CFAP299: variants seen among roughly 807,000 people sequenced by gnomAD.
CFAP299 encodes the protein cilia and flagella associated protein 299.
In CFAP299, 21 loss-of-function variants were observed where a neutral mutation model predicts 27.0. That is an observed-to-expected ratio of 0.78 (90% CI 0.55 to 1.12). CFAP299 has a LOEUF of 1.12. Ranked by LOEUF, CFAP299 falls within the 50% of genes most tolerant of loss-of-function variation. The pLI is 0.00. For missense variants in CFAP299, 310 were observed against 276.6 expected (o/e 1.12, Z -0.86); for synonymous variants, 104 against 98.1 (o/e 1.06, Z -0.36).
intron 4 of CFAP299, among the ~76,000 whole-genome samples, chr4:80,923,377 T>C (rs894122820): frequency 5.3e-5 from 8 of 152,076 alleles, no homozygotes; most frequent in African/African-American, 1.4e-4. Context: ...TCTCTTAGTG[T>C]ATATATAAAA....
intron 3 of CFAP299, among the ~76,000 whole-genome samples, chr4:80,744,996 C>CA (rs550708928): frequency 5.3e-5 from 8 of 151,006 alleles, no homozygotes; most frequent in Non-Finnish European, 8.9e-5. Flanking sequence ...AGTGAAATCT[C>CA]AAAAAAAAAT....
At position 80,940,388 on chromosome 4, in the gene CFAP299, A is replaced by G. The variant is rs190865981; in HGVS notation, c.477-4422A>G. On this transcript the variant is annotated intron_variant, in intron 4 of 5. Coordinates refer to ENST00000358105, the MANE Select transcript of CFAP299 (RefSeq NM_152770.3). Reference sequence around the variant, plus strand: ...CCTCACTCAGCTATCATTTTCCCCTATGGGAGAAATCATGGGCCTGCGGGA... The same window carrying G: ...CCTCACTCAGCTATCATTTTCCCCTGTGGGAGAAATCATGGGCCTGCGGGA... Among the ~76,000 whole-genome samples the G allele has an allele frequency of 4.1e-3, 618 of 152,286 alleles. 1 individual carries two copies. Among genetic ancestry groups the G allele is most frequent in the Middle Eastern group, 0.014 (4 of 294 alleles).
intron 3 of CFAP299, among the ~76,000 whole-genome samples, chr4:80,760,110 T>C (rs937151047): frequency 2.0e-5 from 3 of 152,186 alleles, no homozygotes; most frequent in Non-Finnish European, 2.9e-5. Flanking sequence ...ATTCAATTTT[T>C]TCCTGCAGTA....
intron 3 of CFAP299, among the ~76,000 whole-genome samples, chr4:80,836,736 T>C (rs561383605): frequency 3.8e-4 from 58 of 152,280 alleles, no homozygotes; most frequent in Non-Finnish European, 1.3e-4. Flanking sequence ...AGGATGCATA[T>C]ATCTTTGAGG....
intron 1 of CFAP299, among the ~76,000 whole-genome samples, chr4:80,351,307 T>C (rs1476570457): frequency 6.6e-6 from 1 of 152,180 alleles, no homozygotes. Context: ...CATTTTGTGG[T>C]TTATAACATG....
intron 2 of CFAP299, among the ~76,000 whole-genome samples, chr4:80,458,351 A>C (rs138201536): frequency 2.0e-5 from 3 of 152,224 alleles, no homozygotes; most frequent in Non-Finnish European, 2.9e-5. Context: ...GCCAAATGCC[A>C]GCTACTGGAC....
At chr4:80,551,895 C>T (rs938099530) in intron 2 of CFAP299, among the ~76,000 whole-genome samples, 8 of 151,478 alleles carry the variant, frequency 5.3e-5, no homozygotes, top group African/African-American at 1.7e-4. Flanking sequence ...ACTACAGGCA[C>T]GTGCCACCAT....
At chr4:80,361,478 G>A (rs1723545713) in intron 1 of CFAP299, among the ~76,000 whole-genome samples, 3 of 151,984 alleles carry the variant, frequency 2.0e-5, no homozygotes, top group South Asian at 4.1e-4. Context: ...AATCTGCATT[G>A]GTATTTCTAT....
chr4:80,375,625 G>T (rs762616774), intron 2 of CFAP299, among the ~76,000 whole-genome samples: 2 of 152,222 alleles, frequency 1.3e-5, no homozygotes, highest in Non-Finnish European at 2.9e-5. Flanking sequence ...TAATTGAGAA[G>T]TATTAAACAT....
At chr4:80,646,748 C>T (rs899174355) in intron 3 of CFAP299, among the ~76,000 whole-genome samples, 1 of 152,120 alleles carries the variant, frequency 6.6e-6, no homozygotes, top group Non-Finnish European at 1.5e-5. Context: ...CTTCCCTTAT[C>T]TCCCTTCTCC....
At chr4:80,844,208 A>G (rs969775331) in intron 3 of CFAP299, among the ~76,000 whole-genome samples, 1 of 152,164 alleles carries the variant, frequency 6.6e-6, no homozygotes, top group African/African-American at 2.4e-5. Context: ...GTGCCACAAT[A>G]AACATATGTG....
chr4:80,473,171 T>C (rs1730094080), intron 2 of CFAP299, among the ~76,000 whole-genome samples: 1 of 152,082 alleles, frequency 6.6e-6, no homozygotes, highest in East Asian at 1.9e-4. Flanking sequence ...GAGGCACCCC[T>C]AACTCAGGTG....
At chr4:80,486,495 A>G (rs985462851) in intron 2 of CFAP299, among the ~76,000 whole-genome samples, 1 of 152,240 alleles carries the variant, frequency 6.6e-6, no homozygotes, top group Admixed American at 6.5e-5. Flanking sequence ...TCTCTAGGTG[A>G]CTTGTCTTTG....
chr4:80,938,593 G>C (rs1737039921), intron 4 of CFAP299, among the ~76,000 whole-genome samples: 1 of 152,158 alleles, frequency 6.6e-6, no homozygotes, highest in Non-Finnish European at 1.5e-5. Flanking sequence ...AGCTCTGGAG[G>C]CTGTGAGACC....
At chr4:80,431,675 C>G (rs1383011676) in intron 2 of CFAP299, among the ~76,000 whole-genome samples, 1 of 152,150 alleles carries the variant, frequency 6.6e-6, no homozygotes, top group Admixed American at 6.5e-5. Flanking sequence ...AAAGCTGTGT[C>G]TAGTCTTCCT....
At chr4:80,677,824 T>C (rs1719568455) in intron 3 of CFAP299, among the ~76,000 whole-genome samples, 1 of 152,104 alleles carries the variant, frequency 6.6e-6, no homozygotes, top group African/African-American at 2.4e-5. Flanking sequence ...TCTGAAATTC[T>C]TCATGTGTGG....
chr4:80,777,152 A>G (rs1726592266), intron 3 of CFAP299, among the ~76,000 whole-genome samples: 1 of 152,074 alleles, frequency 6.6e-6, no homozygotes, highest in South Asian at 2.1e-4. Flanking sequence ...AAAGGACTAA[A>G]TTTCCCCTAT....
intron 4 of CFAP299, among the ~76,000 whole-genome samples, chr4:80,874,005 G>A (rs1031059377): frequency 1.3e-5 from 2 of 152,166 alleles, no homozygotes; most frequent in South Asian, 2.1e-4. Context: ...AATGTTTAAC[G>A]TTCCAAGCCC....
intron 2 of CFAP299, among the ~76,000 whole-genome samples, chr4:80,417,288 G>A (rs779301986): frequency 1.4e-4 from 22 of 152,044 alleles, no homozygotes; most frequent in African/African-American, 2.2e-4. Context: ...GGGTTTTAGC[G>A]GACTTCTTTA....
Sources: allele counts gnomAD v4.1 joint callset (sites outside exome capture counted in the v4.1 genomes callset), GRCh38; gene constraint gnomAD v4.1.1; transcripts MANE v1.5; gene names NCBI Gene and HGNC (gene_info 2026-07-23, HGNC 2026-07-21).